Variants in DEFB119 observed in about 807,000 individuals in gnomAD.
DEFB119 encodes the protein defensin beta 119.
A neutral mutation model predicts 2.5 loss-of-function variants in DEFB119; 3 were observed. The ratio of observed to expected loss-of-function variants is 1.19; its 90% CI spans 0.54 to 3.07. The LOEUF (loss-of-function observed/expected upper bound fraction) is 3.07. Among genes scored for constraint, DEFB119 ranks in the 30% most tolerant of loss-of-function variants. DEFB119 has a pLI of 0.03. For missense variants in DEFB119, 113 were observed against 101.1 expected, an observed-to-expected ratio of 1.12 and a Z score of -0.50; for synonymous variants, 29 against 33.7, an observed-to-expected ratio of 0.86 and a Z score of 0.48.
chr20:31,385,605 G>GA (rs1305516248), intron 1 of DEFB119, among the ~76,000 whole-genome samples: 1 of 152,154 alleles, frequency 6.6e-6, no homozygotes, highest in African/African-American at 2.4e-5. Context: ...GGTGGCTCAT[G>GA]ACTGTAATCC....
intron 1 of DEFB119, among the ~76,000 whole-genome samples, chr20:31,386,907 G>A (rs953945963): frequency 2.9e-5 from 4 of 137,706 alleles, no homozygotes; most frequent in Non-Finnish European, 4.5e-5. Flanking sequence ...TCCGCCTCCC[G>A]GGTTCACGCC....
At chr20:31,389,113 G>A (rs376955421) in intron 1 of DEFB119, 5 of 1,614,110 alleles carry the variant, frequency 3.1e-6, no homozygotes, top group East Asian at 2.2e-5. Flanking sequence ...AATTGTTACT[G>A]GTTGGATTGT....
intron 1 of DEFB119, among the ~76,000 whole-genome samples, chr20:31,386,887 C>A (rs1986727201): frequency 7.0e-6 from 1 of 142,370 alleles, no homozygotes; most frequent in South Asian, 2.2e-4. Flanking sequence ...GATCTCGGCT[C>A]ACTGCAAGCT....
chr20:31,389,010 G>C (rs757504624), intron 1 of DEFB119: 2 of 1,613,526 alleles, frequency 1.2e-6, no homozygotes, highest in Non-Finnish European at 1.7e-6. Flanking sequence ...TAAGCAACCT[G>C]AAACAAAGTC....
intron 1 of DEFB119, among the ~76,000 whole-genome samples, chr20:31,386,697 C>T (rs940171949): frequency 4.0e-5 from 6 of 151,552 alleles, no homozygotes; most frequent in African/African-American, 1.2e-4. Flanking sequence ...GCTGGTTAAA[C>T]GGATACAAAA....
At chr20:31,379,526 G>T (rs369526848) in intron 1 of DEFB119, among the ~76,000 whole-genome samples, 1 of 150,768 alleles carries the variant, frequency 6.6e-6, no homozygotes, top group African/African-American at 2.5e-5. Context: ...AAGAAGTCTC[G>T]CTTTGTCGCC....
At chr20:31,387,016 G>A (rs1469021587) in intron 1 of DEFB119, among the ~76,000 whole-genome samples, 2 of 152,030 alleles carry the variant, frequency 1.3e-5, no homozygotes, top group East Asian at 3.9e-4. Flanking sequence ...ATGTTGATCA[G>A]GCTGGTCTCA....
intron 1 of DEFB119, chr20:31,387,944 T>C (rs1003986754): frequency 9.3e-6 from 6 of 644,956 alleles, no homozygotes; most frequent in African/African-American, 4.0e-5. Flanking sequence ...TGAGAGCAAA[T>C]AGTCTTCCTG....
chr20:31,377,500 G>A, intron 1 of DEFB119, 61 bp from the exon 2 acceptor site: 1 of 1,525,506 alleles, frequency 6.6e-7, no homozygotes, highest in South Asian at 1.3e-5. Context: ...AATCTGATAA[G>A]TCGGGAAGCA....
intron 1 of DEFB119, among the ~76,000 whole-genome samples, chr20:31,387,756 C>T (rs1986765860): frequency 6.6e-6 from 1 of 152,150 alleles, no homozygotes; most frequent in African/African-American, 2.4e-5. Context: ...CAAGGTTTCT[C>T]TGGGCAGGCA....
intron 1 of DEFB119, among the ~76,000 whole-genome samples, chr20:31,384,740 C>T (rs559039776): frequency 7.2e-5 from 11 of 152,302 alleles, no homozygotes; most frequent in African/African-American, 1.9e-4. Context: ...TCCCTAAATA[C>T]GTGAAATGTA....
intron 1 of DEFB119, chr20:31,389,094 G>A: frequency 6.2e-7 from 1 of 1,614,138 alleles, no homozygotes; most frequent in Non-Finnish European, 8.5e-7. Flanking sequence ...TCCAGCCAAG[G>A]ATTCCATGAA....
intron 1 of DEFB119, among the ~76,000 whole-genome samples, 154 bp from the exon 2 acceptor site, chr20:31,377,593 CTT>C (rs1986349655): frequency 6.6e-6 from 1 of 152,036 alleles, no homozygotes; most frequent in African/African-American, 2.4e-5. Context: ...GAGTCAATGT[CTT>C]TTTCTCTATT....
chr20:31,379,392 T>A (rs1472664137), intron 1 of DEFB119, among the ~76,000 whole-genome samples: 1 of 152,236 alleles, frequency 6.6e-6, no homozygotes, highest in Non-Finnish European at 1.5e-5. Context: ...TGGCTAATGA[T>A]GTTGAACATC....
intron 1 of DEFB119, among the ~76,000 whole-genome samples, chr20:31,386,086 A>C (rs1986692707): frequency 6.6e-6 from 1 of 152,072 alleles, no homozygotes; most frequent in Non-Finnish European, 1.5e-5. Context: ...TCTGTGAGGG[A>C]CAGTCATGGG....
chr20:31,382,067 A>G (rs976282053), intron 1 of DEFB119, among the ~76,000 whole-genome samples: 2 of 152,152 alleles, frequency 1.3e-5, no homozygotes, highest in Admixed American at 1.3e-4. Flanking sequence ...TGGTGGTTAC[A>G]TCTACACATG....
chr20:31,382,406 T>A (rs572782707), intron 1 of DEFB119, among the ~76,000 whole-genome samples: 1 of 152,314 alleles, frequency 6.6e-6, no homozygotes, highest in African/African-American at 2.4e-5. Flanking sequence ...TTTTCTCATA[T>A]GTATAGTATA....
chr20:31,389,087 A>G (rs1470878041), intron 1 of DEFB119: 1 of 1,614,090 alleles, frequency 6.2e-7, no homozygotes, highest in Non-Finnish European at 8.5e-7. Context: ...GGAGTGGTCC[A>G]GCCAAGGATT....
rs144326595 is a variant in DEFB119, at chr20:31,379,074, A to T, written c.62-1635T>A. ...TGCCTCAGCCTCCCATGTAGCTAGG[A>T]TTACAGGTGCACGCCATCACACCCA... On this transcript the variant is annotated intron_variant, in intron 1 of 1. Transcript: ENST00000376321. Among the ~76,000 whole-genome samples, 15 of 151,926 alleles carry T rather than the reference A, an allele frequency of 9.9e-5. No individual in the cohort carries two copies. In the East Asian group the frequency reaches 2.9e-3, roughly 30 times the overall value.
Sources: gnomAD v4.1 joint callset for allele counts (sites outside exome capture counted in the v4.1 genomes callset) on GRCh38, gnomAD v4.1.1 for gene constraint, MANE v1.5 for transcripts, NCBI Gene and HGNC (gene_info 2026-07-23, HGNC 2026-07-21) for gene names.